The following ZZZ3 variants were observed in gnomAD, a reference collection of about 807,000 sequenced individuals.
ZZZ3 encodes ZZ-type zinc finger-containing protein 3.
Under a neutral mutation model 95.2 loss-of-function variants are expected in ZZZ3, and 22 were observed. That is an observed-to-expected ratio of 0.23 (90% CI 0.17 to 0.33). The LOEUF is 0.33. ZZZ3 is among the 10% of genes least tolerant of loss of function. The probability of loss-of-function intolerance (pLI) is 1.00; values close to 1 mark genes in which losing one functional copy is unlikely to be tolerated. For synonymous variants in ZZZ3, 335 were observed against 358.9 expected (o/e 0.93, Z 0.75); for missense variants, 885 against 1,066.5 (o/e 0.83, Z 2.37).
chr1:77,596,076 T>A (rs1664187475), intron 5 of ZZZ3, among the ~76,000 whole-genome samples: 1 of 152,038 alleles, frequency 6.6e-6, no homozygotes, highest in African/African-American at 2.4e-5. Context: ...TGCTACTTCA[T>A]AAGCTAGTGA....
intron 5 of ZZZ3, among the ~76,000 whole-genome samples, chr1:77,611,249 AAC>A (rs1553172372): frequency 0.02 from 2,921 of 144,856 alleles, 92 homozygotes; most frequent in Middle Eastern, 0.035. Flanking sequence ...AAAAAAAAAA[AAC>A]AACCCACATG....
chr1:77,637,275 C>T (rs1437504313), intron 4 of ZZZ3, among the ~76,000 whole-genome samples: 1 of 151,948 alleles, frequency 6.6e-6, no homozygotes, highest in Non-Finnish European at 1.5e-5. Context: ...AAGGAAGCAC[C>T]AAATGGAAGA....
intron 5 of ZZZ3, among the ~76,000 whole-genome samples, chr1:77,585,751 A>C (rs747496154): frequency 3.9e-5 from 6 of 152,222 alleles, no homozygotes; most frequent in Non-Finnish European, 7.3e-5. Flanking sequence ...ATATTCTGCG[A>C]ATCTTTTAAG....
Position 77,639,392 on chromosome 1 carries a change from AAAG to A in ZZZ3, c.-52+54_-52+56del, listed in dbSNP as rs529406605. ...CAAGTCTCCCCATCTCAAAAAAAAA[AAAG>A]AAGAAGAAGTCAAACTATAGCTGTC... On this transcript the variant is annotated intron_variant, in intron 4 of 14. Transcript: ENST00000370801. The A allele has an allele frequency of 1.6e-3, 2,331 of 1,414,550 alleles. 11 individuals carry two copies. In the South Asian group the frequency reaches 0.018, roughly 11 times the overall value. The allele number at this position is 1,414,550 out of a possible 1,614,324, so 87.6% of individuals were successfully genotyped here.
chr1:77,613,596 T>C (rs1666020579), intron 5 of ZZZ3, among the ~76,000 whole-genome samples: 1 of 152,060 alleles, frequency 6.6e-6, no homozygotes, highest in Non-Finnish European at 1.5e-5. Context: ...TGCTATGCAA[T>C]TGTAAGGAAG....
chr1:77,660,513 T>A (rs187667799), intron 1 of ZZZ3, among the ~76,000 whole-genome samples: 1 of 152,350 alleles, frequency 6.6e-6, no homozygotes, highest in Non-Finnish European at 1.5e-5. Context: ...CTTAACATAA[T>A]GTCCTCAAGG....
chr1:77,663,357 T>C (rs1431291718), intron 1 of ZZZ3, among the ~76,000 whole-genome samples: 1 of 152,140 alleles, frequency 6.6e-6, no homozygotes, highest in African/African-American at 2.4e-5. Context: ...AGTCTGGTGG[T>C]ATCCTGGATC....
At chr1:77,640,067 C>G (rs1557753258) in intron 3 of ZZZ3, among the ~76,000 whole-genome samples, 1 of 151,940 alleles carries the variant, frequency 6.6e-6, no homozygotes, top group Non-Finnish European at 1.5e-5. Flanking sequence ...AAATAATCAA[C>G]CAAATCTTCT....
intron 5 of ZZZ3, chr1:77,584,922 C>T (rs904206637): frequency 6.6e-5 from 15 of 228,296 alleles, no homozygotes; most frequent in Non-Finnish European, 1.2e-4. Context: ...AATAAAAGAG[C>T]ATTTTGATCT....
At chr1:77,598,225 A>G (rs1664400776) in intron 5 of ZZZ3, among the ~76,000 whole-genome samples, 1 of 152,180 alleles carries the variant, frequency 6.6e-6, no homozygotes, top group African/African-American at 2.4e-5. Flanking sequence ...CCTATAATAC[A>G]TACTATATTC....
intron 9 of ZZZ3, 126 bp downstream of exon 9, chr1:77,580,872 C>T: frequency 1.3e-6 from 1 of 758,758 alleles, no homozygotes; most frequent in Non-Finnish European, 2.3e-6. Context: ...GTGATCCACC[C>T]ATATCAGCCT....
At chr1:77,575,718 T>C (rs922963018) in intron 12 of ZZZ3, among the ~76,000 whole-genome samples, 1 of 152,190 alleles carries the variant, frequency 6.6e-6, no homozygotes. Context: ...AAAAAAATCA[T>C]GAACAGTGAC....
At chr1:77,590,766 T>C (rs561650590) in intron 5 of ZZZ3, among the ~76,000 whole-genome samples, 3 of 152,348 alleles carry the variant, frequency 2.0e-5, no homozygotes, top group African/African-American at 7.2e-5. Context: ...AATAATGGTA[T>C]TTAAAGTTAT....
At chr1:77,648,080 C>T (rs1179058686) in intron 1 of ZZZ3, among the ~76,000 whole-genome samples, 2 of 151,978 alleles carry the variant, frequency 1.3e-5, no homozygotes, top group Non-Finnish European at 2.9e-5. Flanking sequence ...CCAAACAGGC[C>T]AAGTGTGGTG....
chr1:77,599,434 T>C (rs1664526733), intron 5 of ZZZ3, among the ~76,000 whole-genome samples: 1 of 152,004 alleles, frequency 6.6e-6, no homozygotes, highest in Non-Finnish European at 1.5e-5. Context: ...TATTACCACT[T>C]TACAGATGAC....
intron 4 of ZZZ3, among the ~76,000 whole-genome samples, chr1:77,637,162 T>C (rs1041547227): frequency 1.3e-5 from 2 of 152,210 alleles, no homozygotes; most frequent in Non-Finnish European, 2.9e-5. Context: ...AGAATTCTAA[T>C]AAGATAATAG....
rs546668150 is a variant in ZZZ3 at position 77,581,443 on chromosome 1, T to G, written c.1908+333A>C. ...TCACTACACACAAAGGAACTACTATTTTTAGAGTAAATACTATGTGTCGGA... is the reference window on the plus strand; with the variant it reads ...TCACTACACACAAAGGAACTACTATGTTTAGAGTAAATACTATGTGTCGGA... On this transcript the variant is annotated intron_variant, in intron 8 of 14. Transcript: ENST00000370801. Among the ~76,000 whole-genome samples, 7 of 152,330 alleles carry G rather than the reference T, an allele frequency of 4.6e-5. No homozygotes were observed. The South Asian group carries it at 1.5e-3, about 32-fold the overall frequency.
chr1:77,668,015 C>G (rs1671403892), intron 1 of ZZZ3, among the ~76,000 whole-genome samples: 1 of 152,076 alleles, frequency 6.6e-6, no homozygotes, highest in African/African-American at 2.4e-5. Context: ...GATCTGCCCA[C>G]CTCAGCCTCC....
chr1:77,582,524 C>T (rs1662622495), intron 6 of ZZZ3, among the ~76,000 whole-genome samples: 1 of 151,974 alleles, frequency 6.6e-6, no homozygotes, highest in Non-Finnish European at 1.5e-5. Flanking sequence ...CAGTCAACAA[C>T]ATAACTAATA....
Sources: allele counts gnomAD v4.1 joint callset (sites outside exome capture counted in the v4.1 genomes callset), GRCh38; gene constraint gnomAD v4.1.1; transcripts MANE v1.5; gene names NCBI Gene and HGNC (gene_info 2026-07-23, HGNC 2026-07-21).